The following BBOF1 variants were observed in gnomAD, a reference collection of about 807,000 sequenced individuals.
The protein encoded by BBOF1 is basal body-orientation factor 1.
In BBOF1, 62 loss-of-function variants were observed where a neutral mutation model predicts 68.0. The ratio of observed to expected loss-of-function variants is 0.91; its 90% confidence interval spans 0.74 to 1.13. The LOEUF (loss-of-function observed/expected upper bound fraction) is 1.13, where lower values mean the gene tolerates loss of function less well. Among genes scored for constraint, BBOF1 ranks in the 50% most tolerant of loss-of-function variants. BBOF1 has a pLI of 0.00. For synonymous variants in BBOF1, 208 were observed against 198.8 expected (o/e 1.05, Z -0.39); for missense variants, 534 against 600.1 (o/e 0.89, Z 1.15).
rs1479297991 is a variant in BBOF1 at position 74,023,145 on chromosome 14, G to C, written c.285+1G>C. 6.4e-7 allele frequency: 1 copy of C among 1,554,474 alleles called. No homozygotes were observed. The highest frequency in any genetic ancestry group is 8.7e-7 in the Non-Finnish European group (1 of 1,143,532). On this transcript the variant is annotated splice_donor_variant, in intron 2 of 11. Coordinates refer to ENST00000394009, the MANE Select transcript of BBOF1 (RefSeq NM_025057.3). LOFTEE classifies it high-confidence loss of function. ...GCAGGATCAGGAGAAAGATAATATG[G>C]TAGGTAGGTAGAAAGCCTCCTTGGC...
chr14:74,053,826 CT>C (rs1275804004), intron 8 of BBOF1, among the ~76,000 whole-genome samples: 2 of 152,054 alleles, frequency 1.3e-5, no homozygotes, highest in Non-Finnish European at 2.9e-5. Flanking sequence ...ATTCTCCTGC[CT>C]CAGCCTCCCG....
At chr14:74,075,470 C>A (rs553393061) in intron 9 of BBOF1, among the ~76,000 whole-genome samples, 2 of 152,022 alleles carry the variant, frequency 1.3e-5, no homozygotes, top group East Asian at 3.9e-4. Context: ...CCACCCTGGG[C>A]AACATGGCAA....
intron 5 of BBOF1, 93 bp from the exon 6 acceptor site, chr14:74,045,967 T>C: frequency 8.6e-7 from 1 of 1,162,638 alleles, no homozygotes; most frequent in Non-Finnish European, 1.2e-6. Flanking sequence ...GGGACAGGAG[T>C]TTTTTATTTG....
intron 3 of BBOF1, among the ~76,000 whole-genome samples, chr14:74,029,604 C>T (rs942771789): frequency 4.0e-5 from 6 of 151,604 alleles, no homozygotes; most frequent in Non-Finnish European, 5.9e-5. Flanking sequence ...ATTGCTTGAA[C>T]CTGGGAGGCA....
At chr14:74,060,906 A>G (rs1475687576) in intron 11 of BBOF1, among the ~76,000 whole-genome samples, 1 of 152,068 alleles carries the variant, frequency 6.6e-6, no homozygotes, top group African/African-American at 2.4e-5. Context: ...ATTGATCTAA[A>G]ACATTTAACA....
At position 74,065,439 on chromosome 14, in the gene BBOF1, T is replaced by C. The variant is rs2060446253; in HGVS notation, c.*740T>C. On this transcript the variant is annotated 3_prime_UTR_variant, in exon 12 of 12. Transcript: ENST00000394009. ...TTTATGCTTATTTGGTACTTTCACT[T>C]ACTACACATCATTTACGTGGACAAC... The C allele has an allele frequency of 8.0e-7, 1 of 1,257,608 alleles. No individual in the cohort carries two copies. Among genetic ancestry groups the C allele is most frequent in the Non-Finnish European group, 1.1e-6 (1 of 876,078 alleles). 77.9% of individuals were successfully genotyped at this position (1,257,608 alleles called of 1,614,324 possible). A position where few individuals can be genotyped will look rare whatever the true frequency, so the allele number is the denominator to read the frequency against.
intron 9 of BBOF1, chr14:74,072,472 T>G (rs892289545): frequency 6.2e-7 from 1 of 1,613,468 alleles, no homozygotes; most frequent in East Asian, 2.2e-5. Context: ...CCAGGTCCCT[T>G]CTTGCCCATC....
chr14:74,026,332 C>T (rs1159867650), intron 2 of BBOF1, among the ~76,000 whole-genome samples: 1 of 149,894 alleles, frequency 6.7e-6, no homozygotes, highest in Non-Finnish European at 1.5e-5. Context: ...ATTCCAGCTA[C>T]TCAGGAGGCT....
chr14:74,029,280 T>C, intron 3 of BBOF1, 31 bp downstream of exon 3: 2 of 1,390,810 alleles, frequency 1.4e-6, no homozygotes, highest in Non-Finnish European at 2.0e-6. Flanking sequence ...AATACTCCAC[T>C]TACTGGATGG....
intron 4 of BBOF1, among the ~76,000 whole-genome samples, chr14:74,040,109 T>TGGAG (rs2059798949): frequency 3.9e-5 from 6 of 152,102 alleles, no homozygotes; most frequent in Admixed American, 1.3e-4. Flanking sequence ...CACCTCAGCC[T>TGGAG]TAGTTCTGGA....
downstream of BBOF1, among the ~76,000 whole-genome samples, chr14:74,070,289 C>T (rs947872632): frequency 1.3e-4 from 20 of 151,860 alleles, no homozygotes; most frequent in Admixed American, 9.8e-4. Context: ...GAGGCCGAGG[C>T]GGGTGGATCA....
intron 9 of BBOF1, among the ~76,000 whole-genome samples, chr14:74,076,597 C>T (rs1439549985): frequency 6.6e-6 from 1 of 152,114 alleles, no homozygotes; most frequent in Non-Finnish European, 1.5e-5. Flanking sequence ...AGTACAGTGG[C>T]ATGACCTTGG....
chr14:74,056,659 A>G (rs943926048), intron 9 of BBOF1, among the ~76,000 whole-genome samples: 2 of 152,146 alleles, frequency 1.3e-5, no homozygotes, highest in East Asian at 3.9e-4. Flanking sequence ...AAAATAACTA[A>G]AAGAGTGTAA....
At chr14:74,053,300 A>G (rs1339712423) in intron 8 of BBOF1, among the ~76,000 whole-genome samples, 1 of 150,856 alleles carries the variant, frequency 6.6e-6, no homozygotes, top group Non-Finnish European at 1.5e-5. Flanking sequence ...TTTAGTAGAG[A>G]CGGGGTTTCA....
downstream of BBOF1, chr14:74,066,705 C>A (rs1172740032): frequency 6.2e-7 from 1 of 1,613,818 alleles, no homozygotes; most frequent in Non-Finnish European, 8.5e-7. Flanking sequence ...AGTTGTTCAC[C>A]TTGACATTCG....
chr14:74,037,264 C>T (rs1428038498), intron 4 of BBOF1, among the ~76,000 whole-genome samples: 2 of 140,480 alleles, frequency 1.4e-5, no homozygotes, highest in Non-Finnish European at 3.1e-5. Context: ...TGAACCACCA[C>T]GCCTGGCCTC....
chr14:74,080,554 C>T (rs7147562), intron 10 of BBOF1, among the ~76,000 whole-genome samples: 1,567 of 152,108 alleles, frequency 0.01, 12 homozygotes, highest in Middle Eastern at 0.027. Context: ...CCTCTTGCCT[C>T]AGTCTCCCAA....
rs71460945 is a variant in BBOF1 at position 74,035,584 on chromosome 14, A to ATTTTTTTTTTTTT, written c.495+1429_495+1441dup. 3.1e-4 allele frequency among the ~76,000 whole-genome samples: 25 copies of ATTTTTTTTTTTTT among 81,390 alleles called. 1 individual carries two copies. The highest frequency in any genetic ancestry group is 1.5e-3 in the African/African-American group (24 of 15,656). The allele number at this position is 81,390 out of a possible 152,430, so 53.4% of individuals were successfully genotyped here. A position where few individuals can be genotyped will look rare whatever the true frequency, so the allele number is the denominator to read the frequency against. On this transcript the variant is annotated intron_variant, in intron 4 of 11. Coordinates refer to ENST00000394009, the MANE Select transcript of BBOF1 (RefSeq NM_025057.3). ...AGGCGTGCACCACCACCCCCAGCTAATTTTTTTTTTTTTTTTTTTTTTTTT... is the reference window on the plus strand; with the variant it reads ...AGGCGTGCACCACCACCCCCAGCTAATTTTTTTTTTTTTTTTTTTTTTTTTTTTTTTTTTTTTT...
At chr14:74,053,975 A>T (rs539305837) in intron 8 of BBOF1, among the ~76,000 whole-genome samples, 2 of 152,114 alleles carry the variant, frequency 1.3e-5, no homozygotes, top group South Asian at 4.1e-4. Flanking sequence ...CCAGGGTTCA[A>T]GCCATTCTCC....
Sources: allele counts gnomAD v4.1 joint callset (sites outside exome capture counted in the v4.1 genomes callset), GRCh38; gene constraint gnomAD v4.1.1; transcripts MANE v1.5; gene names NCBI Gene and HGNC (gene_info 2026-07-23, HGNC 2026-07-21).